Variants in PKP1 observed in about 807,000 individuals in gnomAD.
PKP1 encodes the protein plakophilin 1.
Under a neutral mutation model 76.4 loss-of-function variants are expected in PKP1, and 27 were observed. The ratio of observed to expected loss-of-function variants is 0.35; its 90% CI spans 0.26 to 0.49. PKP1 has a LOEUF of 0.49. Among genes scored for constraint, PKP1 ranks in the 20% least tolerant of loss-of-function variants. PKP1 has a pLI of 0.99. For missense variants in PKP1, 964 were observed against 955.2 expected (o/e 1.01, Z -0.12); for synonymous variants, 404 against 384.2 (o/e 1.05, Z -0.60).
rs150488138 is a variant in PKP1, at chr1:201,323,066, C to A, written c.1557C>A (p.Ser519Arg). 2 of 1,614,022 alleles carry A rather than the reference C, an allele frequency of 1.2e-6. No individual in the cohort carries two copies. The highest frequency in any genetic ancestry group is 1.7e-6 in the Non-Finnish European group (2 of 1,180,010). ...LPEEETNPKGSGWLYHSDAIR... is the reference protein window; with the variant it reads ...LPEEETNPKGRGWLYHSDAIR... ...AGGAAGAGACCAACCCCAAGGGCAG[C>A]GGCTGGTTGTACCATTCAGATGCCA... Residue 519 changes from serine to arginine, a missense_variant, in exon 9 of 14, where the codon AGC (serine) becomes AGA (arginine). Physicochemically the swap from Ser to Arg is moderately radical, Grantham distance 110 (BLOSUM62 -1). Transcript: ENST00000367324.
Position 201,320,319 on chromosome 1 carries a change from C to T in PKP1, c.1285C>T (p.Leu429Phe). 6.2e-7 allele frequency: 1 copy of T among 1,614,166 alleles called. No individual in the cohort carries two copies. ...GRQTMRNYSG[L>F]IDSLMAYVQN... ...CCAGACCATGCGTAACTACTCAGGG[C>T]TCATTGATTCCCTCATGGCCTATGT... The change falls in exon 7 of 14, where the codon CTC becomes TTC. Residue 429 changes from leucine to phenylalanine, a missense_variant. Transcript: ENST00000367324.
chr1:201,295,367 T>C (rs1289428255), intron 2 of PKP1, among the ~76,000 whole-genome samples: 1 of 152,218 alleles, frequency 6.6e-6, no homozygotes, highest in Non-Finnish European at 1.5e-5. Flanking sequence ...CCCTCGCTTT[T>C]TTCCTGATTC....
intron 3 of PKP1, among the ~76,000 whole-genome samples, chr1:201,315,923 C>T (rs1656706223): frequency 6.6e-6 from 1 of 151,996 alleles, no homozygotes; most frequent in Non-Finnish European, 1.5e-5. Context: ...TATGGAAGTC[C>T]CTTGCTGCCT....
At position 201,290,243 on chromosome 1, in the gene PKP1, C is replaced by T. The variant is rs115003789; in HGVS notation, c.203-3699C>T. Among the ~76,000 whole-genome samples, 495 of 152,180 alleles carry T rather than the reference C, an allele frequency of 3.3e-3. 3 individuals carry two copies. The highest frequency in any genetic ancestry group is 0.012 in the African/African-American group (481 of 41,488). On this transcript the variant is annotated intron_variant, in intron 1 of 13. Coordinates refer to ENST00000367324, the MANE Select transcript of PKP1 (RefSeq NM_001005337.3). ...TATGTGGACAGAGCAGGTTGTGTTG[C>T]TTGTATACCTGGGAAAGTGGCAGAT...
chr1:201,308,404 A>G (rs913342359), intron 2 of PKP1, among the ~76,000 whole-genome samples: 1 of 152,210 alleles, frequency 6.6e-6, no homozygotes, highest in Non-Finnish European at 1.5e-5. Flanking sequence ...TGTTTTAGGC[A>G]TCTTTGCCCT....
intron 1 of PKP1, among the ~76,000 whole-genome samples, chr1:201,284,720 C>T (rs891612163): frequency 2.0e-5 from 3 of 152,208 alleles, no homozygotes; most frequent in Non-Finnish European, 4.4e-5. Flanking sequence ...CTTCTTACCC[C>T]ACCCAGCTTA....
chr1:201,311,137 C>G (rs564072217), intron 2 of PKP1, among the ~76,000 whole-genome samples: 1 of 152,338 alleles, frequency 6.6e-6, no homozygotes, highest in Admixed American at 6.5e-5. Context: ...GCTCTTTGCC[C>G]TTTGGCAATG....
In PKP1 at chr1:201,283,648, C is replaced by T. The variant is rs1421868065; in HGVS notation, c.-55C>T. On this transcript the variant is annotated 5_prime_UTR_variant, in exon 1 of 14. Coordinates refer to ENST00000367324, the MANE Select transcript of PKP1 (RefSeq NM_001005337.3). ...TGCCCGCCCGCTGCACCGCACCTCGCCTCGCCTCTCTGCTCTCCTAGGCCC... is the reference window on the plus strand; with the variant it reads ...TGCCCGCCCGCTGCACCGCACCTCGTCTCGCCTCTCTGCTCTCCTAGGCCC... 1.3e-6 allele frequency: 2 copies of T among 1,488,222 alleles called. No homozygotes were observed. Among genetic ancestry groups the T allele is most frequent in the African/African-American group, 2.8e-5 (2 of 71,748 alleles). The allele number at this position is 1,488,222 out of a possible 1,614,324, so 92.2% of individuals were successfully genotyped here.
chr1:201,293,316 G>A (rs898220528), intron 1 of PKP1, among the ~76,000 whole-genome samples: 3 of 152,168 alleles, frequency 2.0e-5, no homozygotes, highest in Admixed American at 1.3e-4. Flanking sequence ...GTCCTCCTGC[G>A]GAGCCTGTCA....
chr1:201,297,786 C>G (rs1656117596), intron 2 of PKP1, among the ~76,000 whole-genome samples: 1 of 152,194 alleles, frequency 6.6e-6, no homozygotes, highest in South Asian at 2.1e-4. Flanking sequence ...CTTCCCATCC[C>G]CTCCAACCAG....
Position 201,325,839 on chromosome 1 carries a change from GT to G in PKP1, c.2106+2del. On this transcript the variant is annotated splice_donor_variant, in intron 12 of 13. Transcript: ENST00000367324. LOFTEE classifies it high-confidence loss of function. ...GGAACTGCAGGGTGTCCTCAGACAG[GT>G]AAGAGCCCAGGACATCATCCTCTTC... 6.2e-7 allele frequency: 1 copy of G among 1,610,152 alleles called. No individual in the cohort carries two copies. Among genetic ancestry groups the G allele is most frequent in the Non-Finnish European group, 8.5e-7 (1 of 1,176,502 alleles).
intron 12 of PKP1, chr1:201,328,324 C>T (rs1657211367): frequency 3.2e-6 from 1 of 313,390 alleles, no homozygotes; most frequent in East Asian, 8.3e-5. Context: ...GTGCGAGCCC[C>T]CTGCTCCTGT....
rs757688426 is a variant in PKP1, at chr1:201,313,282, C to T, written c.423C>T (p.Gly141=). 2.5e-6 allele frequency: 4 copies of T among 1,603,464 alleles called. No individual in the cohort carries two copies. Among genetic ancestry groups the T allele is most frequent in the Non-Finnish European group, 3.4e-6 (4 of 1,175,554 alleles). Residue 141 remains glycine, a synonymous_variant, in exon 3 of 14, where the codon GGC becomes GGT. Transcript: ENST00000367324. ...PRGSCNTTGA[G]SDICFMQKIK... ...GCAGCTGTAACACCACCGGCGCAGG[C>T]AGCGACATCTGCTTCATGCAGAAAA... is the stretch of plus-strand genomic sequence containing the variant.
chr1:201,309,047 C>T (rs1656451435), intron 2 of PKP1, among the ~76,000 whole-genome samples: 1 of 152,072 alleles, frequency 6.6e-6, no homozygotes, highest in African/African-American at 2.4e-5. Flanking sequence ...ATGATTTGGG[C>T]AAGCTGGAGC....
intron 1 of PKP1, among the ~76,000 whole-genome samples, chr1:201,289,181 G>A (rs12025174): frequency 0.49 from 74,456 of 152,030 alleles, 20,820 homozygotes; most frequent in East Asian, 0.76. Flanking sequence ...TGCCCACTCC[G>A]AAACACCTCT....
chr1:201,313,475 T>C lies in PKP1; in HGVS notation c.616T>C (p.Cys206Arg). 6.2e-7 allele frequency: 1 copy of C among 1,613,374 alleles called. No homozygotes were observed. The change falls in exon 3 of 14, where the codon TGT (cysteine) becomes CGT (arginine). Residue 206 changes from cysteine to arginine, a missense_variant. Transcript: ENST00000367324. The stretch of plus-strand genomic sequence containing the variant: ...GAAGTGCCCTGTGCGCCCGCCCTCT[T>C]GTGCCTCCAAGCAGGACCCTGTGTA... ...IKKCPVRPPS[C>R]ASKQDPVYIP...
At position 201,304,176 on chromosome 1, in the gene PKP1, T is replaced by C. The variant is rs1656310446; in HGVS notation, c.307-8990T>C. Among the ~76,000 whole-genome samples the C allele has an allele frequency of 2.0e-5, 3 of 152,288 alleles. No individual in the cohort carries two copies. In the South Asian group the frequency reaches 6.2e-4, roughly 32 times the overall value. ...GGCCCCACAGTGCTGGGATCTGAGT[T>C]GGGGTGCTCACGGGTAGCCAGGGAC... is the stretch of plus-strand genomic sequence containing the variant. On this transcript the variant is annotated intron_variant, in intron 2 of 13. Transcript: ENST00000367324.
chr1:201,324,768 A>G (rs1485011780), intron 10 of PKP1, among the ~76,000 whole-genome samples, 173 bp from the exon 11 acceptor site: 1 of 152,178 alleles, frequency 6.6e-6, no homozygotes, highest in Non-Finnish European at 1.5e-5. Context: ...GCAGATCTGC[A>G]AAAGTCCTAT....
At chr1:201,303,363 A>G (rs1656290594) in intron 2 of PKP1, among the ~76,000 whole-genome samples, 1 of 152,168 alleles carries the variant, frequency 6.6e-6, no homozygotes, top group Non-Finnish European at 1.5e-5. Context: ...CCTGGGTTCA[A>G]GCAATCCTCC....
Sources: gnomAD v4.1 joint callset for allele counts (sites outside exome capture counted in the v4.1 genomes callset) on GRCh38, gnomAD v4.1.1 for gene constraint, MANE v1.5 for transcripts, NCBI Gene and HGNC (gene_info 2026-07-23, HGNC 2026-07-21) for gene names.